Variants in SNX8 observed in about 807,000 individuals in gnomAD.
SNX8 encodes sorting nexin-8.
In SNX8, 25 loss-of-function variants were observed where a neutral mutation model predicts 51.6. That is an observed-to-expected ratio of 0.48 (90% CI 0.35 to 0.68). The LOEUF is 0.68. Among genes scored for constraint, SNX8 ranks in the 30% least tolerant of loss-of-function variants. The probability of loss-of-function intolerance (pLI) is 0.00; values close to 1 mark genes in which losing one functional copy is unlikely to be tolerated. For missense variants in SNX8, 695 were observed against 624.0 expected (o/e 1.11, Z -1.21); for synonymous variants, 324 against 277.0 (o/e 1.17, Z -1.68).
At chr7:2,320,030 A>G (rs1796809235) in intron 1 of SNX8, among the ~76,000 whole-genome samples, 1 of 152,108 alleles carries the variant, frequency 6.6e-6, no homozygotes, top group South Asian at 2.1e-4. Context: ...TACAAGTATA[A>G]AAGTACAATA....
At chr7:2,268,551 G>A (rs1584679643) in intron 5 of SNX8, among the ~76,000 whole-genome samples, 6 of 147,096 alleles carry the variant, frequency 4.1e-5, no homozygotes, top group South Asian at 2.2e-4. Context: ...AGGGAGGTGG[G>A]GGGGTCAGCC....
intron 1 of SNX8, among the ~76,000 whole-genome samples, chr7:2,330,848 G>C (rs773976750): frequency 1.3e-5 from 2 of 152,110 alleles, no homozygotes; most frequent in Admixed American, 6.6e-5. Flanking sequence ...AATGCATATG[G>C]ATAGAAAAGA....
chr7:2,318,890 C>G (rs1231170049), upstream of SNX8, among the ~76,000 whole-genome samples: 1 of 151,534 alleles, frequency 6.6e-6, no homozygotes, highest in East Asian at 1.9e-4. Context: ...CACCTATAGT[C>G]CCAGCTACCC....
intron 1 of SNX8, among the ~76,000 whole-genome samples, chr7:2,327,503 G>A (rs190815257): frequency 0.019 from 2,850 of 151,944 alleles, 103 homozygotes; most frequent in African/African-American, 0.066. Context: ...CGCATCTCTG[G>A]TTCATGCCAT....
At position 2,257,377 on chromosome 7, in the gene SNX8, G is replaced by T; in HGVS notation, c.1122C>A (p.Ser374=). The T allele has an allele frequency of 6.2e-7, 1 of 1,608,000 alleles. No individual in the cohort carries two copies. Residue 374 remains serine, a synonymous_variant, in exon 9 of 11, where the codon TCC becomes TCA. Transcript: ENST00000222990. ...CCCCGCCACCCACCTCCACAATGCG[G>T]GACTCCAGCTGCTCCACGGACTCCG... ...REPESVEQLE[S]RIVEQENAIQ...
At chr7:2,256,752 G>T (rs992677100) in intron 10 of SNX8, 122 bp downstream of exon 10, 3 of 945,056 alleles carry the variant, frequency 3.2e-6, no homozygotes, top group Non-Finnish European at 3.1e-6. Flanking sequence ...CCCATGCGGA[G>T]CCCAACTCCA....
In SNX8 at chr7:2,339,999, C is replaced by G. The variant is rs564758512; in HGVS notation, c.-66+14223G>C. Among the ~76,000 whole-genome samples, 7 of 151,216 alleles carry G rather than the reference C, an allele frequency of 4.6e-5. No homozygotes were observed. The South Asian group carries it at 1.5e-3, about 31-fold the overall frequency. On this transcript the variant is annotated intron_variant, in intron 1 of 5. Coordinates refer to the SNX8 transcript ENST00000435336. Reference sequence around the variant, plus strand: ...ATAAAAATTAGACCCATCTTGCACACCAAAAATACAAACAAAAAATTTGAA... The same window carrying G: ...ATAAAAATTAGACCCATCTTGCACAGCAAAAATACAAACAAAAAATTTGAA...
rs756294522 is a variant in SNX8, at chr7:2,278,215, A to T, written c.185T>A (p.Leu62Gln). The change falls in exon 2 of 11, where the codon CTG becomes CAG. Residue 62 changes from leucine to glutamine, a missense_variant. Coordinates refer to ENST00000222990, the MANE Select transcript of SNX8 (RefSeq NM_013321.4). ...SRMQMPQGNP[L>Q]LLSHTLQELL... ...CTCCTGCAGGGTGTGGGACAGCAGCAGCGGGTTCCCCTGCGGCATCTGCAT... is the reference window on the plus strand; with the variant it reads ...CTCCTGCAGGGTGTGGGACAGCAGCTGCGGGTTCCCCTGCGGCATCTGCAT... The T allele has an allele frequency of 1.9e-6, 3 of 1,613,242 alleles. No homozygotes were observed. In the South Asian group the frequency reaches 3.3e-5, roughly 18 times the overall value.
intron 10 of SNX8, 38 bp downstream of exon 10, chr7:2,256,835 GC>G (rs1470180888): frequency 6.3e-7 from 1 of 1,586,964 alleles, no homozygotes; most frequent in Non-Finnish European, 8.6e-7. Context: ...ACAAAGAAAG[GC>G]CGTGGCCGAG....
chr7:2,332,876 GA>G (rs1005056376), intron 1 of SNX8, among the ~76,000 whole-genome samples: 83 of 150,760 alleles, frequency 5.5e-4, no homozygotes, highest in African/African-American at 2.0e-3. Context: ...GAGAAAGAAA[GA>G]GAAAGAAAGA....
chr7:2,348,387 C>T (rs1222799389), intron 1 of SNX8, among the ~76,000 whole-genome samples: 1 of 140,286 alleles, frequency 7.1e-6, no homozygotes, highest in African/African-American at 2.7e-5. Flanking sequence ...GTCGCCCAGG[C>T]TGGAGTGCAG....
chr7:2,255,258 C>T (rs575188712), intron 10 of SNX8, 89 bp from the exon 11 acceptor site: 1 of 852,646 alleles, frequency 1.2e-6, no homozygotes, highest in African/African-American at 1.7e-5. Context: ...CTGCCAGTGA[C>T]AGGGAGGGAG....
chr7:2,346,848 A>G, intron 1 of SNX8, among the ~76,000 whole-genome samples: 1 of 133,246 alleles, frequency 7.5e-6, no homozygotes. Context: ...TGAGCCTGGG[A>G]GGTGGAGGCT....
intron 1 of SNX8, among the ~76,000 whole-genome samples, chr7:2,304,225 T>C (rs919176315): frequency 6.7e-6 from 1 of 148,708 alleles, no homozygotes; most frequent in African/African-American, 2.5e-5. Context: ...ACCCCTGCTC[T>C]GCAAAGAAGG....
At chr7:2,286,169 AC>A (rs1286587355) in intron 1 of SNX8, among the ~76,000 whole-genome samples, 5 of 151,110 alleles carry the variant, frequency 3.3e-5, no homozygotes, top group African/African-American at 1.2e-4. Context: ...ACACCACCAC[AC>A]CTGACTAATT....
At chr7:2,353,775 G>A (rs542186915) in intron 1 of SNX8, among the ~76,000 whole-genome samples, 9 of 152,056 alleles carry the variant, frequency 5.9e-5, no homozygotes, top group Non-Finnish European at 8.8e-5. Context: ...AATTTTCGTA[G>A]AGATGAGGGC....
At chr7:2,347,083 G>T (rs991630411) in intron 1 of SNX8, among the ~76,000 whole-genome samples, 1 of 152,060 alleles carries the variant, frequency 6.6e-6, no homozygotes, top group Non-Finnish European at 1.5e-5. Flanking sequence ...ATCCAGCCAT[G>T]GGAGCCTGAG....
In SNX8 at chr7:2,289,308, G is replaced by A. The variant is rs114098058; in HGVS notation, c.95-11003C>T. On this transcript the variant is annotated intron_variant, in intron 1 of 10. Coordinates refer to ENST00000222990, the MANE Select transcript of SNX8 (RefSeq NM_013321.4). ...TTGGTGGACATATGTGTGCCTTTCT[G>A]TTGGCTCCATAACATATCTACAAGT... is the stretch of plus-strand genomic sequence containing the variant. Among the ~76,000 whole-genome samples, 451 of 152,284 alleles carry A rather than the reference G, an allele frequency of 3.0e-3. 2 individuals carry two copies. Among genetic ancestry groups the A allele is most frequent in the African/African-American group, 9.9e-3 (411 of 41,554 alleles).
chr7:2,293,740 G>T (rs1474317945), intron 1 of SNX8, among the ~76,000 whole-genome samples: 1 of 150,952 alleles, frequency 6.6e-6, no homozygotes, highest in Admixed American at 6.6e-5. Context: ...TGAGGCGGGC[G>T]GATCACGAGG....
Sources: allele counts gnomAD v4.1 joint callset (sites outside exome capture counted in the v4.1 genomes callset), GRCh38; gene constraint gnomAD v4.1.1; transcripts MANE v1.5; gene names NCBI Gene and HGNC (gene_info 2026-07-23, HGNC 2026-07-21).